The following TMEM132D variants were observed in gnomAD, a reference collection of about 807,000 sequenced individuals.
TMEM132D encodes the protein transmembrane protein 132D, also known as mature OL transmembrane protein.
In TMEM132D, 21 loss-of-function variants were observed where a neutral mutation model predicts 62.3. The ratio of observed to expected loss-of-function variants is 0.34; its 90% confidence interval spans 0.24 to 0.49. The LOEUF is 0.49. Among genes scored for constraint, TMEM132D ranks in the 20% least tolerant of loss-of-function variants. The pLI, the probability that TMEM132D is intolerant of heterozygous loss-of-function variation, is 0.99. For missense variants in TMEM132D, 1,346 were observed against 1,402.8 expected (o/e 0.96, Z 0.65); for synonymous variants, 621 against 575.6 (o/e 1.08, Z -1.13).
At chr12:129,833,069 G>A (rs926466086) in intron 1 of TMEM132D, among the ~76,000 whole-genome samples, 4 of 152,206 alleles carry the variant, frequency 2.6e-5, no homozygotes, top group African/African-American at 9.7e-5. Context: ...CTTTGACCTT[G>A]AAGATGCTCG....
chr12:129,859,879 T>C (rs1386690010), intron 1 of TMEM132D, among the ~76,000 whole-genome samples: 1 of 152,194 alleles, frequency 6.6e-6, no homozygotes, highest in Admixed American at 6.5e-5. Context: ...CACTACTGGC[T>C]TCCTTGCTCC....
At chr12:129,337,490 G>A in intron 4 of TMEM132D, 144 bp downstream of exon 4, 2 of 779,024 alleles carry the variant, frequency 2.6e-6, no homozygotes, top group South Asian at 1.7e-5. Flanking sequence ...TTGGCTATTG[G>A]CAGTCAACTT....
intron 1 of TMEM132D, among the ~76,000 whole-genome samples, chr12:129,771,707 T>C (rs536678461): frequency 5.3e-5 from 8 of 152,380 alleles, no homozygotes; most frequent in Non-Finnish European, 1.2e-4. Context: ...GCCATTTTTA[T>C]TGGGTAATCC....
chr12:129,799,075 T>G (rs1342071208), intron 1 of TMEM132D, among the ~76,000 whole-genome samples: 299 of 152,170 alleles, frequency 2.0e-3, no homozygotes, highest in African/African-American at 6.9e-3. Flanking sequence ...ACCAATCCTG[T>G]CCAACACAGT....
intron 2 of TMEM132D, among the ~76,000 whole-genome samples, chr12:129,570,481 G>A (rs554453507): frequency 6.6e-6 from 1 of 152,316 alleles, no homozygotes; most frequent in African/African-American, 2.4e-5. Context: ...GGAACCACAG[G>A]TTCGTGACCA....
At chr12:129,789,663 G>A (rs1871346029) in intron 1 of TMEM132D, among the ~76,000 whole-genome samples, 1 of 152,190 alleles carries the variant, frequency 6.6e-6, no homozygotes. Context: ...AGAAGTCTCT[G>A]ACATGTGTCA....
intron 3 of TMEM132D, among the ~76,000 whole-genome samples, chr12:129,418,337 T>TA (rs1171717941): frequency 1.3e-5 from 2 of 151,718 alleles, no homozygotes; most frequent in Admixed American, 6.6e-5. Flanking sequence ...ATAGACTGGA[T>TA]AAAAAAAAGT....
chr12:129,823,594 CT>C (rs1271726112), intron 1 of TMEM132D, among the ~76,000 whole-genome samples: 2 of 152,230 alleles, frequency 1.3e-5, no homozygotes, highest in African/African-American at 4.8e-5. Context: ...CATGATGCTC[CT>C]TCTGTGCAAG....
chr12:129,727,810 G>A (rs1358060022), intron 1 of TMEM132D, among the ~76,000 whole-genome samples: 2 of 151,414 alleles, frequency 1.3e-5, no homozygotes, highest in African/African-American at 4.9e-5. Context: ...AACCTTAAAA[G>A]CCTTACATAT....
intron 5 of TMEM132D, among the ~76,000 whole-genome samples, chr12:129,168,355 T>C (rs897040993): frequency 6.6e-6 from 1 of 151,988 alleles, no homozygotes; most frequent in Non-Finnish European, 1.5e-5. Flanking sequence ...ATTCTCAGAG[T>C]CATGAAACCA....
intron 1 of TMEM132D, among the ~76,000 whole-genome samples, chr12:129,866,351 C>A (rs780171360): frequency 6.0e-5 from 9 of 150,940 alleles, no homozygotes; most frequent in African/African-American, 9.8e-5. Context: ...GGACAAAAAA[C>A]CAAACACTGC....
chr12:129,206,359 C>T (rs1045592413), intron 5 of TMEM132D, among the ~76,000 whole-genome samples: 2 of 152,174 alleles, frequency 1.3e-5, no homozygotes, highest in African/African-American at 4.8e-5. Flanking sequence ...AAATGCTTAA[C>T]ATCACTAATC....
intron 3 of TMEM132D, among the ~76,000 whole-genome samples, chr12:129,477,634 C>T (rs375689021): frequency 6.6e-6 from 1 of 152,078 alleles, no homozygotes; most frequent in African/African-American, 2.4e-5. Flanking sequence ...TCCTGGCTAA[C>T]ACGGTGAAAC....
At chr12:129,267,881 A>G (rs1166162446) in intron 4 of TMEM132D, among the ~76,000 whole-genome samples, 2 of 152,200 alleles carry the variant, frequency 1.3e-5, no homozygotes, top group African/African-American at 4.8e-5. Context: ...ATAATGCTGC[A>G]TATCTACAAC....
chr12:129,678,450 A>G lies in TMEM132D; in HGVS notation c.968+21360T>C, dbSNP rs929218277. Among the ~76,000 whole-genome samples, 13 of 152,248 alleles carry G rather than the reference A, an allele frequency of 8.5e-5. 1 individual carries two copies. In the South Asian group the frequency reaches 2.7e-3, roughly 32 times the overall value. ...TTGTTGGCTATTTTTGTTTTCGTTT[A>G]TAAAATGTCTGTTCATATTTTTTGC... On this transcript the variant is annotated intron_variant, in intron 2 of 8. Coordinates refer to ENST00000422113, the MANE Select transcript of TMEM132D (RefSeq NM_133448.3).
At chr12:129,414,107 G>C (rs1259968664) in intron 3 of TMEM132D, among the ~76,000 whole-genome samples, 3 of 152,192 alleles carry the variant, frequency 2.0e-5, no homozygotes, top group Non-Finnish European at 4.4e-5. Flanking sequence ...GCACCCTGCT[G>C]AATCTCTCCG....
intron 1 of TMEM132D, among the ~76,000 whole-genome samples, chr12:129,710,596 G>A (rs770109960): frequency 1.3e-5 from 2 of 152,016 alleles, no homozygotes; most frequent in Admixed American, 1.3e-4. Context: ...GTGCCCCGCC[G>A]ATTATTTAAT....
chr12:129,373,618 C>A (rs918798339), intron 3 of TMEM132D, among the ~76,000 whole-genome samples: 1 of 151,718 alleles, frequency 6.6e-6, no homozygotes, highest in Non-Finnish European at 1.5e-5. Context: ...GGCAACAGAG[C>A]GAGACTTGTC....
intron 1 of TMEM132D, among the ~76,000 whole-genome samples, chr12:129,771,194 T>G (rs930216497): frequency 6.6e-6 from 1 of 152,224 alleles, no homozygotes. Flanking sequence ...AGGCGGATGA[T>G]GTACTTCTTG....
Sources: gnomAD v4.1 joint callset for allele counts (sites outside exome capture counted in the v4.1 genomes callset) on GRCh38, gnomAD v4.1.1 for gene constraint, MANE v1.5 for transcripts, NCBI Gene and HGNC (gene_info 2026-07-23, HGNC 2026-07-21) for gene names.